PACRGL: variants seen among roughly 807,000 people sequenced by gnomAD.
PACRGL encodes the protein parkin coregulated like.
Under a neutral mutation model 34.5 loss-of-function variants are expected in PACRGL, and 38 were observed. That is an observed-to-expected ratio of 1.10 (90% CI 0.85 to 1.44). The LOEUF (loss-of-function observed/expected upper bound fraction) is 1.44. Among genes scored for constraint, PACRGL ranks in the 40% most tolerant of loss-of-function variants. The pLI is 0.00. For synonymous variants in PACRGL, 128 were observed against 100.1 expected (o/e 1.28, Z -1.66); for missense variants, 305 against 281.4 (o/e 1.08, Z -0.60).
At chr4:20,721,769 G>A (rs139037130) in intron 7 of PACRGL, among the ~76,000 whole-genome samples, 1 of 152,302 alleles carries the variant, frequency 6.6e-6, no homozygotes, top group African/African-American at 2.4e-5. Flanking sequence ...CTACTCACGG[G>A]TCAGGGACCC....
At chr4:20,726,763 T>G (rs1745845708) in intron 8 of PACRGL, among the ~76,000 whole-genome samples, 1 of 152,210 alleles carries the variant, frequency 6.6e-6, no homozygotes, top group South Asian at 2.1e-4. Flanking sequence ...CTGATCTGCC[T>G]TAAATTGAAA....
chr4:20,765,277 C>A, the PACRGL span, among the ~76,000 whole-genome samples: 2 of 152,106 alleles, frequency 1.3e-5, no homozygotes, highest in Admixed American at 6.6e-5. Context: ...ATTACTTTTT[C>A]TTCTATTAGG....
the PACRGL span, among the ~76,000 whole-genome samples, chr4:20,761,612 C>G: frequency 6.6e-6 from 1 of 152,060 alleles, no homozygotes; most frequent in South Asian, 2.1e-4. Context: ...GGAAAGTTGC[C>G]TGGGAGTTAA....
chr4:20,715,976 T>C (rs1052145766), intron 7 of PACRGL: 46 of 774,106 alleles, frequency 5.9e-5, no homozygotes, highest in African/African-American at 5.3e-4. Context: ...CTTGTGTAAT[T>C]ATATGTTACC....
chr4:20,715,670 C>T (rs1237901715), intron 7 of PACRGL, among the ~76,000 whole-genome samples: 2 of 152,084 alleles, frequency 1.3e-5, no homozygotes, highest in East Asian at 3.9e-4. Context: ...AGTTTGAGAC[C>T]AGCCTGGGCA....
At chr4:20,719,209 A>G (rs533169929) in intron 7 of PACRGL, among the ~76,000 whole-genome samples, 1 of 151,870 alleles carries the variant, frequency 6.6e-6, no homozygotes, top group African/African-American at 2.4e-5. Context: ...CGTCTATTTG[A>G]TTCTTCTCTC....
At chr4:20,718,223 A>AT (rs1162092967) in intron 7 of PACRGL, among the ~76,000 whole-genome samples, 1 of 152,026 alleles carries the variant, frequency 6.6e-6, no homozygotes, top group Non-Finnish European at 1.5e-5. Flanking sequence ...GCTTAAGGAG[A>AT]TTTTGGGCTG....
At chr4:20,747,476 C>G (rs1752622317) in intron 8 of PACRGL, among the ~76,000 whole-genome samples, 1 of 152,132 alleles carries the variant, frequency 6.6e-6, no homozygotes, top group Non-Finnish European at 1.5e-5. Flanking sequence ...AAGTTACTAT[C>G]ATGGAGTGAC....
rs537129383 is a variant in PACRGL at position 20,740,221 on chromosome 4, G to A, written c.*57-12344G>A. Among the ~76,000 whole-genome samples the A allele has an allele frequency of 2.0e-3, 308 of 152,148 alleles. 2 individuals carry two copies. Among genetic ancestry groups the A allele is most frequent in the African/African-American group, 7.2e-3 (300 of 41,496 alleles). On this transcript the variant is annotated intron_variant, in intron 8 of 8. Coordinates refer to the PACRGL transcript ENST00000507634. ...CAAGTCAGGCCAACATTCAAATTCA[G>A]GAAATACAGAGAATGCCACCAAGAT...
chr4:20,700,923 G>A (rs1045442742), intron 1 of PACRGL, 136 bp downstream of exon 1: 1 of 152,076 alleles, frequency 6.6e-6, no homozygotes, highest in African/African-American at 2.4e-5. Context: ...AGTGTAGGAG[G>A]GGTGGCTGGG....
At chr4:20,735,354 C>T (rs1219441918), downstream of PACRGL, among the ~76,000 whole-genome samples, 1 of 152,068 alleles carries the variant, frequency 6.6e-6, no homozygotes, top group African/African-American at 2.4e-5. Flanking sequence ...ATAGTATCTA[C>T]CTCTTCACAA....
intron 3 of PACRGL, among the ~76,000 whole-genome samples, chr4:20,705,685 TCTTTA>T (rs1012979056): frequency 2.0e-5 from 3 of 152,014 alleles, no homozygotes; most frequent in African/African-American, 7.3e-5. Flanking sequence ...TTTCTTCCTC[TCTTTA>T]AAGAAGTACT....
At chr4:20,740,609 A>C (rs1750833857) in intron 8 of PACRGL, among the ~76,000 whole-genome samples, 1 of 152,230 alleles carries the variant, frequency 6.6e-6, no homozygotes, top group Non-Finnish European at 1.5e-5. Flanking sequence ...GATACCAGCC[A>C]CTGCAAAAAC....
At chr4:20,716,639 C>T (rs768790308) in intron 7 of PACRGL, among the ~76,000 whole-genome samples, 4 of 152,180 alleles carry the variant, frequency 2.6e-5, no homozygotes, top group South Asian at 2.1e-4. Flanking sequence ...CAGCTTCATC[C>T]GTGTCCCTAC....
chr4:20,709,836 A>C, intron 5 of PACRGL, 63 bp downstream of exon 5: 1 of 1,352,146 alleles, frequency 7.4e-7, no homozygotes, highest in Non-Finnish European at 1.0e-6. Flanking sequence ...ATTAAATGCT[A>C]CTTTGTAGCT....
chr4:20,698,988 G>A (rs1256768391), upstream of PACRGL, among the ~76,000 whole-genome samples: 1 of 152,172 alleles, frequency 6.6e-6, no homozygotes, highest in Non-Finnish European at 1.5e-5. Flanking sequence ...TAGCTGATAA[G>A]GGGTGGTGAG....
chr4:20,727,161 C>T, intron 8 of PACRGL, 124 bp from the exon 9 acceptor site: 2 of 754,378 alleles, frequency 2.7e-6, no homozygotes, highest in East Asian at 2.5e-5. Flanking sequence ...CTTATTTCAT[C>T]ATTTTGTTCT....
At chr4:20,754,868 G>GA (rs1257069721), downstream of PACRGL, among the ~76,000 whole-genome samples, 2 of 152,230 alleles carry the variant, frequency 1.3e-5, no homozygotes, top group Non-Finnish European at 2.9e-5. Flanking sequence ...TGAAATGATT[G>GA]AAAAATAACT....
chr4:20,758,742 G>C, the PACRGL span: 1 of 1,020,074 alleles, frequency 9.8e-7, no homozygotes, highest in Non-Finnish European at 1.5e-6. Context: ...GTAGCATCAT[G>C]CTATGAAAAA....
Sources: allele counts gnomAD v4.1 joint callset (sites outside exome capture counted in the v4.1 genomes callset), GRCh38; gene constraint gnomAD v4.1.1; transcripts MANE v1.5; gene names NCBI Gene and HGNC (gene_info 2026-07-23, HGNC 2026-07-21).